The following WDR11 variants were observed in gnomAD, a reference collection of about 807,000 sequenced individuals.
WDR11 encodes WD repeat-containing protein 11.
A neutral mutation model predicts 151.2 loss-of-function variants in WDR11; 83 were observed. The ratio of observed to expected loss-of-function variants is 0.55; its 90% confidence interval spans 0.46 to 0.66. The LOEUF is 0.66. Ranked by LOEUF, WDR11 falls within the 30% of genes least tolerant of loss-of-function variation. The probability of loss-of-function intolerance (pLI) is 0.00; values close to 1 mark genes in which losing one functional copy is unlikely to be tolerated. For missense variants in WDR11, 1,301 were observed against 1,480.9 expected (o/e 0.88, Z 1.99); for synonymous variants, 484 against 533.1 (o/e 0.91, Z 1.27).
At chr10:120,862,991 C>A in intron 5 of WDR11, 70 bp downstream of exon 5, 1 of 1,015,496 alleles carries the variant, frequency 9.8e-7, no homozygotes, top group Non-Finnish European at 1.5e-6. Context: ...TGGAGATGTA[C>A]AAAGACTGAT....
chr10:120,851,417 CG>C lies in WDR11; in HGVS notation c.-1del. ...AGCGCCCAGGTCCTGGGCTGGCCGC[CG>C]GGATGTTGCCCTACACAGTGAACTT... On this transcript the variant is annotated 5_prime_UTR_variant, in exon 1 of 29. Transcript: ENST00000263461. 1 of 1,608,930 alleles carries C rather than the reference CG, an allele frequency of 6.2e-7. No homozygotes were observed. Among genetic ancestry groups the C allele is most frequent in the Non-Finnish European group, 8.5e-7 (1 of 1,178,578 alleles).
At chr10:120,863,258 C>T (rs1266601485) in intron 5 of WDR11, among the ~76,000 whole-genome samples, 1 of 152,150 alleles carries the variant, frequency 6.6e-6, no homozygotes, top group Non-Finnish European at 1.5e-5. Flanking sequence ...GCTGGATACT[C>T]ATTTTAAATA....
intron 2 of WDR11, among the ~76,000 whole-genome samples, chr10:120,857,665 A>G (rs573189277): frequency 4.6e-5 from 7 of 152,140 alleles, no homozygotes; most frequent in Non-Finnish European, 7.4e-5. Flanking sequence ...TACTACTGCA[A>G]TTGGTTGGCT....
chr10:120,903,023 G>T (rs1353184593), intron 22 of WDR11, 32 bp from the exon 23 acceptor site: 1 of 1,612,150 alleles, frequency 6.2e-7, no homozygotes, highest in Non-Finnish European at 8.5e-7. Context: ...GGTGTGCTGA[G>T]TGCAGTCAAA....
In WDR11 at chr10:120,908,830, G is replaced by A; in HGVS notation, c.*117G>A. 1 of 1,154,776 alleles carries A rather than the reference G, an allele frequency of 8.7e-7. No homozygotes were observed. The highest frequency in any genetic ancestry group is 1.3e-6 in the Non-Finnish European group (1 of 785,016). The allele number at this position is 1,154,776 out of a possible 1,614,324, so 71.5% of individuals were successfully genotyped here. ...GAGTACAGGGTCCTGTGAGCTGTTT[G>A]ACCACTGTTCTAAGACTATGTGTGC... is the stretch of plus-strand genomic sequence containing the variant. On this transcript the variant is annotated 3_prime_UTR_variant, in exon 29 of 29. Coordinates refer to ENST00000263461, the MANE Select transcript of WDR11 (RefSeq NM_018117.12).
In WDR11 at chr10:120,882,544, G is replaced by GTTTTT. The variant is rs367918882; in HGVS notation, c.1740-1229_1740-1225dup. ...AGTTTTTAAATACAAATTCAGTTTT[G>GTTTTT]TTTTTTTTTTTCATAAATATAGGAC... On this transcript the variant is annotated intron_variant, in intron 13 of 28. Coordinates refer to ENST00000263461, the MANE Select transcript of WDR11 (RefSeq NM_018117.12). Among the ~76,000 whole-genome samples the GTTTTT allele has an allele frequency of 9.2e-3, 1,304 of 142,438 alleles. 21 individuals are homozygous for GTTTTT. Among genetic ancestry groups the GTTTTT allele is most frequent in the African/African-American group, 0.032 (1,254 of 38,702 alleles). 93.4% of individuals were successfully genotyped at this position (142,438 alleles called of 152,430 possible).
At chr10:120,891,014 G>A in intron 19 of WDR11, 127 bp downstream of exon 19, 1 of 1,013,384 alleles carries the variant, frequency 9.9e-7, no homozygotes, top group Non-Finnish European at 1.5e-6. Context: ...CTGAGTTTAA[G>A]AAAATATATT....
Position 120,867,169 on chromosome 10 carries a change from G to C in WDR11, c.1294G>C (p.Gly432Arg). Residue 432 changes from glycine to arginine, a missense_variant and splice_region_variant, in exon 9 of 29, where the codon GGG (glycine) becomes CGG (arginine). By Grantham distance (125) the Gly-to-Arg change is moderately radical. Transcript: ENST00000263461. The stretch of plus-strand genomic sequence containing the variant: ...AGACCTTTCCTTAGATAACATGATT[G>C]GTAAGCTTTTTTCCCCTCTAACTCC... ...LPDLSLDNMI[G>R]QSAIAGEEHP... The C allele has an allele frequency of 6.2e-7, 1 of 1,610,188 alleles. No individual in the cohort carries two copies. The highest frequency in any genetic ancestry group is 8.5e-7 in the Non-Finnish European group (1 of 1,176,698).
At chr10:120,897,849 T>C (rs1847671554) in intron 19 of WDR11, among the ~76,000 whole-genome samples, 1 of 152,214 alleles carries the variant, frequency 6.6e-6, no homozygotes, top group South Asian at 2.1e-4. Flanking sequence ...TGGACTGCAT[T>C]TTAAGTGATT....
Position 120,906,780 on chromosome 10 carries a change from A to C in WDR11, c.3442A>C (p.Arg1148=). 1 of 1,614,188 alleles carries C rather than the reference A, an allele frequency of 6.2e-7. No homozygotes were observed. The highest frequency in any genetic ancestry group is 1.3e-5 in the African/African-American group (1 of 75,064). Residue 1148 remains arginine, a synonymous_variant, in exon 28 of 29, where the codon AGA becomes CGA. Transcript: ENST00000263461. ...TTGTTTTGTTCTGTTGAGCAGCATGAGATACTTTGATAGAGCAGCCTTATT... is the reference window on the plus strand; with the variant it reads ...TTGTTTTGTTCTGTTGAGCAGCATGCGATACTTTGATAGAGCAGCCTTATT... The part of the protein sequence containing the change: ...FSVAETLHSM[R]YFDRAALFVE...
intron 6 of WDR11, 84 bp downstream of exon 6, chr10:120,865,296 T>A (rs1405011716): frequency 7.5e-7 from 1 of 1,336,104 alleles, no homozygotes; most frequent in Non-Finnish European, 1.1e-6. Flanking sequence ...ATAAGTCTTG[T>A]CTTCAGTTCT....
intron 26 of WDR11, chr10:120,905,647 C>A (rs1848008698): frequency 2.4e-6 from 2 of 842,048 alleles, no homozygotes; most frequent in Non-Finnish European, 3.7e-6. Flanking sequence ...CCTCCTCTTT[C>A]TCCCAGAGTC....
At chr10:120,874,263 T>C (rs930151585) in intron 11 of WDR11, among the ~76,000 whole-genome samples, 1 of 150,314 alleles carries the variant, frequency 6.7e-6, no homozygotes, top group Non-Finnish European at 1.5e-5. Context: ...GCTATTTTTG[T>C]ACCAACTAAT....
At position 120,908,776 on chromosome 10, in the gene WDR11, T is replaced by C. The variant is rs1031025753; in HGVS notation, c.*63T>C. 2.3e-5 allele frequency: 36 copies of C among 1,588,306 alleles called. No individual in the cohort carries two copies. The highest frequency in any genetic ancestry group is 4.3e-4 in the Middle Eastern group (2 of 4,638). On this transcript the variant is annotated 3_prime_UTR_variant, in exon 29 of 29. Transcript: ENST00000263461. ...AGATGGGAGGGGGCTGGTCTGGCTGTGGCCACCGTCACAGTCCAGGATGAA... is the reference window on the plus strand; with the variant it reads ...AGATGGGAGGGGGCTGGTCTGGCTGCGGCCACCGTCACAGTCCAGGATGAA...
intron 16 of WDR11, among the ~76,000 whole-genome samples, 157 bp downstream of exon 16, chr10:120,886,993 A>G (rs911245469): frequency 6.6e-6 from 1 of 152,272 alleles, no homozygotes; most frequent in Non-Finnish European, 1.5e-5. Flanking sequence ...CCATACTGCT[A>G]GAGAATAACG....
At position 120,874,075 on chromosome 10, in the gene WDR11, A is replaced by C. The variant is rs546747839; in HGVS notation, c.1556+152A>C. The stretch of plus-strand genomic sequence containing the variant: ...TCATGTCCAACTAATGGCTATGTTA[A>C]TCAAGGATGATAACTAATTCTTTGC... On this transcript the variant is annotated intron_variant, in intron 11 of 28. Transcript: ENST00000263461. 7 of 636,640 alleles carry C rather than the reference A, an allele frequency of 1.1e-5. No homozygotes were observed. In the African/African-American group the frequency reaches 1.3e-4, roughly 11 times the overall value. 39.4% of individuals were successfully genotyped at this position (636,640 alleles called of 1,614,324 possible).
At chr10:120,908,361 T>C (rs1848150577) in intron 28 of WDR11, 195 bp from the exon 29 acceptor site, 2 of 627,288 alleles carry the variant, frequency 3.2e-6, no homozygotes, top group East Asian at 5.7e-5. Flanking sequence ...GACTGAGACA[T>C]GGCCTACTAT....
intron 27 of WDR11, chr10:120,906,291 T>TG: frequency 7.5e-7 from 1 of 1,326,448 alleles, no homozygotes; most frequent in Non-Finnish European, 9.7e-7. Flanking sequence ...TTCAGAGAAT[T>TG]GGGGTCCATT....
chr10:120,903,031 A>G (rs1847886634), intron 22 of WDR11, 24 bp from the exon 23 acceptor site: 1 of 1,612,954 alleles, frequency 6.2e-7, no homozygotes, highest in African/African-American at 1.3e-5. Context: ...GAGTGCAGTC[A>G]AAACTTTGCT....
Sources: gnomAD v4.1 joint callset for allele counts (sites outside exome capture counted in the v4.1 genomes callset) on GRCh38, gnomAD v4.1.1 for gene constraint, MANE v1.5 for transcripts, NCBI Gene and HGNC (gene_info 2026-07-23, HGNC 2026-07-21) for gene names.